The following PRKCE variants were observed in gnomAD, a reference collection of about 807,000 sequenced individuals.
PRKCE encodes protein kinase C epsilon.
Under a neutral mutation model 85.4 loss-of-function variants are expected in PRKCE, and 16 were observed. That is an observed-to-expected ratio of 0.19 (90% confidence interval 0.13 to 0.28). The LOEUF is 0.28. Ranked by LOEUF, PRKCE falls within the 10% of genes least tolerant of loss-of-function variation. The pLI is 1.00. For missense variants in PRKCE, 573 were observed against 975.2 expected, an observed-to-expected ratio of 0.59 and a Z score of 5.49; for synonymous variants, 388 against 371.5, an observed-to-expected ratio of 1.04 and a Z score of -0.51.
intron 2 of PRKCE, among the ~76,000 whole-genome samples, chr2:45,863,632 A>T (rs1380613137): frequency 6.6e-6 from 1 of 152,120 alleles, no homozygotes; most frequent in Non-Finnish European, 1.5e-5. Flanking sequence ...TAAGCAGAGT[A>T]AGTGCAATCC....
At chr2:45,706,336 G>T (rs771283250) in intron 1 of PRKCE, among the ~76,000 whole-genome samples, 5 of 152,190 alleles carry the variant, frequency 3.3e-5, no homozygotes, top group Non-Finnish European at 1.5e-5. Context: ...GGAAATGAAT[G>T]CATGCTGATG....
intron 1 of PRKCE, among the ~76,000 whole-genome samples, chr2:45,821,783 A>G (rs1689553911): frequency 6.6e-6 from 1 of 152,108 alleles, no homozygotes; most frequent in Non-Finnish European, 1.5e-5. Flanking sequence ...GGACAGAGGG[A>G]AGGCTTGGGC....
intron 1 of PRKCE, among the ~76,000 whole-genome samples, chr2:45,710,118 C>T (rs1470682209): frequency 1.3e-5 from 2 of 152,230 alleles, no homozygotes; most frequent in South Asian, 2.1e-4. Flanking sequence ...TTAATTAACA[C>T]GTCCATAGCA....
At chr2:45,770,310 T>C (rs962658472) in intron 1 of PRKCE, among the ~76,000 whole-genome samples, 1 of 152,208 alleles carries the variant, frequency 6.6e-6, no homozygotes, top group Non-Finnish European at 1.5e-5. Flanking sequence ...ATGCTTCCTC[T>C]GTCTGGAAAC....
At chr2:46,028,804 C>T (rs1444483460) in intron 10 of PRKCE, among the ~76,000 whole-genome samples, 2 of 152,112 alleles carry the variant, frequency 1.3e-5, no homozygotes, top group East Asian at 1.9e-4. Context: ...TTTTGCTGAT[C>T]CTCTCCCTCC....
intron 14 of PRKCE, among the ~76,000 whole-genome samples, chr2:46,179,193 A>G (rs1434082148): frequency 6.6e-6 from 1 of 152,192 alleles, no homozygotes; most frequent in African/African-American, 2.4e-5. Context: ...GCTTTAAAAC[A>G]AAGTCATCTG....
intron 1 of PRKCE, among the ~76,000 whole-genome samples, chr2:45,757,868 A>G (rs568371612): frequency 6.6e-6 from 1 of 152,290 alleles, no homozygotes; most frequent in African/African-American, 2.4e-5. Flanking sequence ...GAATGTACAT[A>G]AGGCAGGTCT....
chr2:45,769,361 G>A (rs1425014522), intron 1 of PRKCE, among the ~76,000 whole-genome samples: 1 of 152,072 alleles, frequency 6.6e-6, no homozygotes, highest in Non-Finnish European at 1.5e-5. Flanking sequence ...TAGGGCTTCA[G>A]TCATGCTGCC....
At chr2:45,851,041 G>A (rs1269117702) in intron 2 of PRKCE, among the ~76,000 whole-genome samples, 1 of 152,188 alleles carries the variant, frequency 6.6e-6, no homozygotes, top group East Asian at 1.9e-4. Flanking sequence ...AGGGTGCTGT[G>A]GGACCACCAA....
At chr2:46,160,740 A>G (rs1422541761) in intron 14 of PRKCE, among the ~76,000 whole-genome samples, 1 of 152,212 alleles carries the variant, frequency 6.6e-6, no homozygotes, top group Non-Finnish European at 1.5e-5. Context: ...CCAAGTGCAG[A>G]AAAGACCTTC....
intron 1 of PRKCE, among the ~76,000 whole-genome samples, chr2:45,676,535 T>C (rs1182792775): frequency 6.6e-6 from 1 of 152,260 alleles, no homozygotes; most frequent in East Asian, 1.9e-4. Flanking sequence ...GAGAGGAAGA[T>C]GGTTCTATTG....
intron 11 of PRKCE, among the ~76,000 whole-genome samples, chr2:46,141,599 T>C (rs1209724272): frequency 6.6e-6 from 1 of 152,012 alleles, no homozygotes; most frequent in Non-Finnish European, 1.5e-5. Flanking sequence ...TGAAGAAAAA[T>C]TGAATGAAAC....
At chr2:45,671,257 C>A (rs945816655) in intron 1 of PRKCE, among the ~76,000 whole-genome samples, 1 of 152,114 alleles carries the variant, frequency 6.6e-6, no homozygotes, top group Non-Finnish European at 1.5e-5. Context: ...TTAAGATATT[C>A]CTCTTAATTT....
At chr2:45,860,813 C>T (rs1992933) in intron 2 of PRKCE, among the ~76,000 whole-genome samples, 17,400 of 152,102 alleles carry the variant, frequency 0.11, 1,438 homozygotes, top group African/African-American at 0.22. Flanking sequence ...GCAGCACTCT[C>T]CTGGCACCCA....
At chr2:45,827,336 C>G (rs921024235) in intron 1 of PRKCE, among the ~76,000 whole-genome samples, 3 of 152,202 alleles carry the variant, frequency 2.0e-5, no homozygotes, top group Non-Finnish European at 4.4e-5. Flanking sequence ...GATAGAAGAT[C>G]ATAAATGAAG....
chr2:45,689,677 A>T (rs937855686), intron 1 of PRKCE, among the ~76,000 whole-genome samples: 6 of 151,906 alleles, frequency 3.9e-5, no homozygotes, highest in African/African-American at 1.5e-4. Context: ...TGGGAGGCCG[A>T]GGGAGGTCAG....
chr2:45,970,175 G>A (rs372959676), intron 2 of PRKCE, among the ~76,000 whole-genome samples: 1 of 152,288 alleles, frequency 6.6e-6, no homozygotes, highest in East Asian at 1.9e-4. Context: ...GCCTGTAGCA[G>A]TGAATGAATG....
chr2:45,802,708 G>C (rs929855112), intron 1 of PRKCE, among the ~76,000 whole-genome samples: 11 of 152,254 alleles, frequency 7.2e-5, no homozygotes, highest in Non-Finnish European at 8.8e-5. Context: ...ATCTCTGAAA[G>C]CAGAAAGGCT....
At chr2:45,944,571 C>T (rs548049387) in intron 2 of PRKCE, among the ~76,000 whole-genome samples, 2 of 152,048 alleles carry the variant, frequency 1.3e-5, no homozygotes, top group South Asian at 4.2e-4. Context: ...TCACTGCAAC[C>T]GCAGCCTCCC....
Sources: gnomAD v4.1 joint callset for allele counts (sites outside exome capture counted in the v4.1 genomes callset) on GRCh38, gnomAD v4.1.1 for gene constraint, MANE v1.5 for transcripts, NCBI Gene and HGNC (gene_info 2026-07-23, HGNC 2026-07-21) for gene names.